CSMD1: variants seen among roughly 807,000 people sequenced by gnomAD.
CSMD1 encodes CUB and sushi domain-containing protein 1.
Under a neutral mutation model 417.5 loss-of-function variants are expected in CSMD1, and 213 were observed. That is an observed-to-expected ratio of 0.51 (90% CI 0.46 to 0.57). The LOEUF (loss-of-function observed/expected upper bound fraction) is 0.57. Ranked by LOEUF, CSMD1 falls within the 20% of genes least tolerant of loss-of-function variation. The pLI, the probability that CSMD1 is intolerant of heterozygous loss-of-function variation, is 0.00. For missense variants in CSMD1, 6,923 were observed against 4,529.7 expected (o/e 1.53, Z -15.17); for synonymous variants, 2,862 against 1,736.8 (o/e 1.65, Z -16.11).
chr8:3,979,160 A>C (rs80020593), intron 5 of CSMD1, among the ~76,000 whole-genome samples: 7 of 152,338 alleles, frequency 4.6e-5, no homozygotes, highest in African/African-American at 1.4e-4. Flanking sequence ...CACATTTTAC[A>C]ACACCTGTGA....
chr8:3,668,167 G>T (rs539754654), intron 7 of CSMD1, among the ~76,000 whole-genome samples: 2 of 152,208 alleles, frequency 1.3e-5, no homozygotes, highest in African/African-American at 2.4e-5. Context: ...TGTGCAGAGG[G>T]GCTGACCTCT....
chr8:3,237,200 G>A (rs771312525), intron 26 of CSMD1, among the ~76,000 whole-genome samples: 5 of 151,578 alleles, frequency 3.3e-5, no homozygotes, highest in Non-Finnish European at 5.9e-5. Context: ...GGGTGCGGTA[G>A]CTCACACCTG....
At chr8:4,168,966 C>T (rs1322896352) in intron 3 of CSMD1, among the ~76,000 whole-genome samples, 1 of 152,140 alleles carries the variant, frequency 6.6e-6, no homozygotes, top group East Asian at 1.9e-4. Flanking sequence ...CTCTGCTATC[C>T]TCAGGCCGTT....
intron 1 of CSMD1, among the ~76,000 whole-genome samples, chr8:4,853,570 G>T (rs1172483222): frequency 6.6e-6 from 1 of 152,188 alleles, no homozygotes; most frequent in Non-Finnish European, 1.5e-5. Context: ...CTGCCACAAA[G>T]GTAGAGTCCC....
rs566026722 is a variant in CSMD1 at position 3,677,376 on chromosome 8, C to T, written c.1009+31038G>A. On this transcript the variant is annotated intron_variant, in intron 7 of 69. Coordinates refer to ENST00000635120, the MANE Select transcript of CSMD1 (RefSeq NM_033225.6). ...GAATAAATAAGCAGTTATTTGCCTCCCACACAAGAAAACATACCCAGTTCA... is the reference window on the plus strand; with the variant it reads ...GAATAAATAAGCAGTTATTTGCCTCTCACACAAGAAAACATACCCAGTTCA... Among the ~76,000 whole-genome samples, 11 of 152,176 alleles carry T rather than the reference C, an allele frequency of 7.2e-5. No individual in the cohort carries two copies. The South Asian group carries it at 1.9e-3, about 26-fold the overall frequency.
chr8:4,018,424 T>A (rs1331473458), intron 4 of CSMD1, among the ~76,000 whole-genome samples: 1 of 152,170 alleles, frequency 6.6e-6, no homozygotes, highest in South Asian at 2.1e-4. Context: ...TCTCCCAGTT[T>A]GCAATCTCTG....
chr8:3,051,683 A>G (rs1215853109), intron 50 of CSMD1, among the ~76,000 whole-genome samples: 1 of 152,248 alleles, frequency 6.6e-6, no homozygotes, highest in Non-Finnish European at 1.5e-5. Context: ...TTATAGAACC[A>G]TAAAAATTCA....
Position 2,999,982 on chromosome 8 carries a change from A to C in CSMD1, c.8179T>G (p.Ser2727Ala). The part of the protein sequence containing the change: ...VRICLQDHKW[S>A]GQTPVCVPIT... Reference sequence around the variant, plus strand: ...CGGACACAGACAGGCGTTTGTCCAGACCACTTGTGGTCTTGCAGGCATATC... The same window carrying C: ...CGGACACAGACAGGCGTTTGTCCAGCCCACTTGTGGTCTTGCAGGCATATC... The change falls in exon 53 of 70, where the codon TCT (serine) becomes GCT (alanine). Residue 2727 changes from serine to alanine, a missense_variant. Coordinates refer to ENST00000635120, the MANE Select transcript of CSMD1 (RefSeq NM_033225.6). 1 of 1,609,968 alleles carries C rather than the reference A, an allele frequency of 6.2e-7. No individual in the cohort carries two copies. Among genetic ancestry groups the C allele is most frequent in the Non-Finnish European group, 8.5e-7 (1 of 1,179,064 alleles).
chr8:4,090,289 G>C (rs1800647595), intron 3 of CSMD1, among the ~76,000 whole-genome samples: 1 of 152,128 alleles, frequency 6.6e-6, no homozygotes, highest in South Asian at 2.1e-4. Flanking sequence ...ATTAAGGAAA[G>C]TTAAAGCCAC....
At chr8:4,824,167 A>G (rs1000754054) in intron 1 of CSMD1, among the ~76,000 whole-genome samples, 25 of 151,970 alleles carry the variant, frequency 1.6e-4, no homozygotes, top group African/African-American at 4.6e-4. Flanking sequence ...ATGCCTATAT[A>G]TATTTTTGGA....
At chr8:4,052,338 A>G (rs1280277981) in intron 3 of CSMD1, among the ~76,000 whole-genome samples, 1 of 152,234 alleles carries the variant, frequency 6.6e-6, no homozygotes, top group Admixed American at 6.5e-5. Flanking sequence ...ATGCACAAGG[A>G]GTATAATGAT....
intron 5 of CSMD1, among the ~76,000 whole-genome samples, chr8:3,784,137 TC>T (rs1353815304): frequency 1.5e-4 from 16 of 105,422 alleles, no homozygotes; most frequent in African/African-American, 6.8e-4. Context: ...TTTTCCTCTC[TC>T]TTTCTCTCTC....
intron 23 of CSMD1, among the ~76,000 whole-genome samples, chr8:3,329,233 G>C (rs1195613491): frequency 6.6e-6 from 1 of 152,134 alleles, no homozygotes; most frequent in Non-Finnish European, 1.5e-5. Flanking sequence ...GCTGAGCTAG[G>C]AAAGTGGTCA....
Position 2,993,100 on chromosome 8 carries a change from C to T in CSMD1, c.8377+4911G>A, listed in dbSNP as rs1156868937. Among the ~76,000 whole-genome samples the T allele has an allele frequency of 2.0e-4, 30 of 152,208 alleles. 1 individual carries two copies. The highest frequency in any genetic ancestry group is 2.0e-3 in the Admixed American group (30 of 15,286). On this transcript the variant is annotated intron_variant, in intron 54 of 69. Transcript: ENST00000635120. ...TGTCCAATATCATGTGTTGGAGCTT[C>T]ATCCAGTACTTGTGAATCCCAAAGC...
chr8:2,935,523 A>G lies in CSMD1; in HGVS notation c.*3062T>C, dbSNP rs762079840. The G allele has an allele frequency of 2.0e-4, 30 of 152,212 alleles. No individual in the cohort carries two copies. The highest frequency in any genetic ancestry group is 3.8e-4 in the Non-Finnish European group (26 of 68,046). 9.4% of individuals were successfully genotyped at this position (152,212 alleles called of 1,614,324 possible). Reference sequence around the variant, plus strand: ...ACATGTGTAATAGGATTGGAACTGAAAATCAGCTAGAGATGGTACATTTTA... The same window carrying G: ...ACATGTGTAATAGGATTGGAACTGAGAATCAGCTAGAGATGGTACATTTTA... On this transcript the variant is annotated 3_prime_UTR_variant, in exon 70 of 70. Transcript: ENST00000635120.
At chr8:3,299,715 G>C (rs1305170318) in intron 25 of CSMD1, among the ~76,000 whole-genome samples, 1 of 152,242 alleles carries the variant, frequency 6.6e-6, no homozygotes, top group Non-Finnish European at 1.5e-5. Context: ...GCACAGAGAA[G>C]AGGAAGTCAC....
At chr8:4,742,318 C>T (rs1810672490) in intron 1 of CSMD1, among the ~76,000 whole-genome samples, 1 of 151,968 alleles carries the variant, frequency 6.6e-6, no homozygotes, top group South Asian at 2.1e-4. Flanking sequence ...GCATGAGCCA[C>T]TGCACCTGAC....
intron 30 of CSMD1, among the ~76,000 whole-genome samples, chr8:3,207,853 T>C (rs4875358): frequency 0.93 from 141,955 of 152,244 alleles, 66,301 homozygotes; most frequent in Non-Finnish European, 0.96. Flanking sequence ...TAGGTTTTTA[T>C]GATTTTAAAT....
At chr8:4,372,084 A>G (rs1387085108) in intron 3 of CSMD1, among the ~76,000 whole-genome samples, 1 of 152,214 alleles carries the variant, frequency 6.6e-6, no homozygotes, top group Non-Finnish European at 1.5e-5. Context: ...AGGTGGAAGA[A>G]AAGCCCTTTC....
Sources: allele counts gnomAD v4.1 joint callset (sites outside exome capture counted in the v4.1 genomes callset), GRCh38; gene constraint gnomAD v4.1.1; transcripts MANE v1.5; gene names NCBI Gene and HGNC (gene_info 2026-07-23, HGNC 2026-07-21).